Variants in KCNK2 observed in about 807,000 individuals in gnomAD.
The protein encoded by KCNK2 is potassium channel subfamily K member 2.
KCNK2 carries 21 observed loss-of-function variants against 40.5 expected under a neutral mutation model. The observed-to-expected ratio is 0.52, with a 90% CI of 0.37 to 0.75. The LOEUF (loss-of-function observed/expected upper bound fraction) is 0.75, where lower values mean the gene tolerates loss of function less well. Among genes scored for constraint, KCNK2 ranks in the 30% least tolerant of loss-of-function variants. The pLI is 0.00. For missense variants in KCNK2, 399 were observed against 531.6 expected (o/e 0.75, Z 2.45); for synonymous variants, 191 against 202.2 (o/e 0.94, Z 0.47).
chr1:215,106,129 G>A lies in KCNK2; in HGVS notation c.358-18504G>A, dbSNP rs543817216. Among the ~76,000 whole-genome samples, 152 of 152,168 alleles carry A rather than the reference G, an allele frequency of 1.0e-3. 1 individual carries two copies. Among genetic ancestry groups the A allele is most frequent in the Non-Finnish European group, 1.5e-3 (104 of 67,994 alleles). On this transcript the variant is annotated intron_variant, in intron 2 of 6. Coordinates refer to ENST00000444842, the MANE Select transcript of KCNK2 (RefSeq NM_001017425.3). ...TAATAATGAGATTGCTGGGTTGAAT[G>A]GTAGTTCTATTTAAAATTCTTTGAG... is the stretch of plus-strand genomic sequence containing the variant.
chr1:215,226,562 C>T (rs577948271), intron 6 of KCNK2, among the ~76,000 whole-genome samples: 126 of 152,068 alleles, frequency 8.3e-4, no homozygotes, highest in Non-Finnish European at 1.0e-3. Flanking sequence ...CCTGACCTCG[C>T]GATTCACCCA....
At chr1:215,043,518 A>G (rs1187235376) in intron 1 of KCNK2, among the ~76,000 whole-genome samples, 2 of 152,260 alleles carry the variant, frequency 1.3e-5, no homozygotes. Flanking sequence ...TCATAAGAAC[A>G]TTACGCTAAG....
At chr1:215,049,823 A>T (rs1657919533) in intron 1 of KCNK2, among the ~76,000 whole-genome samples, 1 of 151,870 alleles carries the variant, frequency 6.6e-6, no homozygotes, top group African/African-American at 2.4e-5. Context: ...ATTTGTGTGG[A>T]TTTAGTTGTG....
rs528188743 is a variant in KCNK2 at position 215,019,811 on chromosome 1, T to C, written c.34+13856T>C. On this transcript the variant is annotated intron_variant, in intron 1 of 6. Coordinates refer to the KCNK2 transcript ENST00000391895. ...GGTTATTCTCCGTGAAGAAACATTC[T>C]AGCTGCCTTGCCTCTCTTATGCTTT... Among the ~76,000 whole-genome samples, 6 of 152,324 alleles carry C rather than the reference T, an allele frequency of 3.9e-5. No individual in the cohort carries two copies. In the East Asian group the frequency reaches 1.2e-3, roughly 29 times the overall value.
intron 1 of KCNK2, among the ~76,000 whole-genome samples, chr1:215,030,852 G>A (rs567823530): frequency 6.6e-6 from 1 of 151,800 alleles, no homozygotes. Flanking sequence ...CCAGCCTCTT[G>A]TGTTATCTTT....
intron 6 of KCNK2, among the ~76,000 whole-genome samples, chr1:215,233,732 C>T (rs1666767243): frequency 6.6e-6 from 1 of 152,068 alleles, no homozygotes; most frequent in South Asian, 2.1e-4. Flanking sequence ...GTTTCCCAAG[C>T]TGAAAGCAGA....
At chr1:215,162,861 T>C (rs899409467) in intron 3 of KCNK2, among the ~76,000 whole-genome samples, 4 of 132,432 alleles carry the variant, frequency 3.0e-5, no homozygotes, top group African/African-American at 1.0e-4. Context: ...GGTAGCATGA[T>C]ACTGCCAGGT....
At position 215,082,831 on chromosome 1, in the gene KCNK2, C is replaced by T. The variant is rs976642766; in HGVS notation, c.-555C>T. 6.6e-6 allele frequency among the ~76,000 whole-genome samples: 1 copy of T among 152,046 alleles called. No individual in the cohort carries two copies. Among genetic ancestry groups the T allele is most frequent in the South Asian group, 2.1e-4 (1 of 4,834 alleles). On this transcript the variant is annotated 5_prime_UTR_variant, in exon 1 of 7. Coordinates refer to ENST00000444842, the MANE Select transcript of KCNK2 (RefSeq NM_001017425.3). ...GCGCCCGGACCGTGCCACACACCCC[C>T]CGCGGGGCACGGAGGGCATTGCGGG... is the stretch of plus-strand genomic sequence containing the variant.
chr1:215,086,327 T>A (rs1571895089), intron 1 of KCNK2, 41 bp from the exon 2 acceptor site: 2 of 1,526,848 alleles, frequency 1.3e-6, no homozygotes, highest in East Asian at 4.5e-5. Flanking sequence ...AATTCCCTTC[T>A]CATCTCCTCC....
intron 6 of KCNK2, among the ~76,000 whole-genome samples, chr1:215,198,266 T>G (rs1484736267): frequency 6.6e-6 from 1 of 152,126 alleles, no homozygotes; most frequent in African/African-American, 2.4e-5. Flanking sequence ...GACCAGAGCT[T>G]TAAGTGAACC....
At chr1:215,182,138 G>A (rs1276550199) in intron 5 of KCNK2, among the ~76,000 whole-genome samples, 3 of 152,186 alleles carry the variant, frequency 2.0e-5, no homozygotes, top group African/African-American at 7.2e-5. Flanking sequence ...CTCTTCAAAG[G>A]AGGGGTGGGA....
chr1:215,219,176 T>G (rs1042122474), intron 6 of KCNK2, among the ~76,000 whole-genome samples: 23 of 152,196 alleles, frequency 1.5e-4, no homozygotes, highest in Non-Finnish European at 3.4e-4. Flanking sequence ...TAGACATTTG[T>G]GTCAGTCCAT....
At chr1:215,198,269 A>G (rs1279774994) in intron 6 of KCNK2, among the ~76,000 whole-genome samples, 1 of 152,174 alleles carries the variant, frequency 6.6e-6, no homozygotes. Context: ...CAGAGCTTTA[A>G]GTGAACCCTC....
chr1:215,196,741 A>T (rs1664883419), intron 6 of KCNK2, among the ~76,000 whole-genome samples: 1 of 151,814 alleles, frequency 6.6e-6, no homozygotes, highest in South Asian at 2.1e-4. Flanking sequence ...AGTATAATGG[A>T]TGGTTATTCT....
chr1:215,127,597 T>C (rs1661490537), intron 3 of KCNK2, among the ~76,000 whole-genome samples: 4 of 152,202 alleles, frequency 2.6e-5, no homozygotes, highest in African/African-American at 9.6e-5. Context: ...CATCATCACA[T>C]GCCAGCAGCA....
Position 215,221,095 on chromosome 1 carries a change from C to T in KCNK2, c.964-13733C>T, listed in dbSNP as rs192154471. Reference sequence around the variant, plus strand: ...CTCCTTAAAAAACTACTTGGCTGGGCGCAGTGGCTCACACCTGTAATCCCA... The same window carrying T: ...CTCCTTAAAAAACTACTTGGCTGGGTGCAGTGGCTCACACCTGTAATCCCA... On this transcript the variant is annotated intron_variant, in intron 6 of 6. Coordinates refer to ENST00000444842, the MANE Select transcript of KCNK2 (RefSeq NM_001017425.3). 1.7e-3 allele frequency among the ~76,000 whole-genome samples: 264 copies of T among 152,314 alleles called. 1 individual carries two copies. The highest frequency in any genetic ancestry group is 3.0e-3 in the Non-Finnish European group (205 of 68,032).
At chr1:215,073,474 A>G (rs1011683164) in intron 1 of KCNK2, among the ~76,000 whole-genome samples, 2 of 152,078 alleles carry the variant, frequency 1.3e-5, no homozygotes, top group African/African-American at 4.8e-5. Flanking sequence ...TCTGAGGAAG[A>G]TGTGTTTTTA....
chr1:215,131,777 A>G (rs1438152583), intron 3 of KCNK2, among the ~76,000 whole-genome samples: 2 of 152,094 alleles, frequency 1.3e-5, no homozygotes, highest in Non-Finnish European at 2.9e-5. Context: ...AACATTTCTC[A>G]TATTTTCAAA....
chr1:215,097,866 C>A (rs535146656), intron 2 of KCNK2, among the ~76,000 whole-genome samples: 1 of 152,066 alleles, frequency 6.6e-6, no homozygotes, highest in South Asian at 2.1e-4. Flanking sequence ...AAAGGTGGCT[C>A]CTTTCAGCCA....
Sources: allele counts gnomAD v4.1 joint callset (sites outside exome capture counted in the v4.1 genomes callset), GRCh38; gene constraint gnomAD v4.1.1; transcripts MANE v1.5; gene names NCBI Gene and HGNC (gene_info 2026-07-23, HGNC 2026-07-21).